The following CGNL1 variants were observed in gnomAD, a reference collection of about 807,000 sequenced individuals.
CGNL1 encodes cingulin like 1.
Under a neutral mutation model 141.2 loss-of-function variants are expected in CGNL1, and 132 were observed. The observed-to-expected ratio is 0.93, with a 90% confidence interval of 0.81 to 1.08. The LOEUF (loss-of-function observed/expected upper bound fraction) is 1.08. Ranked by LOEUF, CGNL1 falls within the 50% of genes least tolerant of loss-of-function variation. The pLI, the probability that CGNL1 is intolerant of heterozygous loss-of-function variation, is 0.00. For synonymous variants in CGNL1, 690 were observed against 622.1 expected (o/e 1.11, Z -1.63); for missense variants, 1,870 against 1,588.6 (o/e 1.18, Z -3.01).
Position 57,550,594 on chromosome 15 carries a change from G to C in CGNL1, c.*3104G>C, listed in dbSNP as rs1426834395. 6.6e-6 allele frequency: 1 copy of C among 152,606 alleles called. No homozygotes were observed. The highest frequency in any genetic ancestry group is 1.5e-5 in the Non-Finnish European group (1 of 68,034). 9.5% of individuals were successfully genotyped at this position (152,606 alleles called of 1,614,324 possible). ...CTTATTCCATTGCGTCTCTGCTTTA[G>C]GGTATGGTTTGGTCGCTTTGGTTGT... On this transcript the variant is annotated 3_prime_UTR_variant, in exon 19 of 19. Transcript: ENST00000281282.
At chr15:57,442,327 C>A (rs377567094) in intron 3 of CGNL1, 46 bp from the exon 4 acceptor site, 1 of 1,190,400 alleles carries the variant, frequency 8.4e-7, no homozygotes, top group Admixed American at 1.7e-5. Flanking sequence ...TGTTCTGAGA[C>A]CAGTGGTTGT....
At chr15:57,530,672 C>T (rs1253394136) in intron 13 of CGNL1, among the ~76,000 whole-genome samples, 1 of 152,120 alleles carries the variant, frequency 6.6e-6, no homozygotes, top group African/African-American at 2.4e-5. Flanking sequence ...CCAAGTTGGC[C>T]TTAGAGATGC....
In CGNL1 at chr15:57,434,010, A is replaced by C. The variant is rs932916565; in HGVS notation, c.-15-3975A>C. ...AGCCACCAATCTGCTTTGGTCCTTC[A>C]TTCTTAAATAGGATCAGGCAGTCAG... On this transcript the variant is annotated intron_variant, in intron 1 of 18. Coordinates refer to ENST00000281282, the MANE Select transcript of CGNL1 (RefSeq NM_032866.5). Among the ~76,000 whole-genome samples, 3 of 134,768 alleles carry C rather than the reference A, an allele frequency of 2.2e-5. No homozygotes were observed. The Admixed American group carries it at 2.3e-4, about 10-fold the overall frequency. 88.4% of individuals were successfully genotyped at this position (134,768 alleles called of 152,430 possible).
intron 8 of CGNL1, among the ~76,000 whole-genome samples, chr15:57,510,108 G>A (rs1370910149): frequency 6.8e-6 from 1 of 147,104 alleles, no homozygotes; most frequent in Non-Finnish European, 1.5e-5. Context: ...AAAATGTGCA[G>A]GTAGTGGCCT....
intron 7 of CGNL1, among the ~76,000 whole-genome samples, chr15:57,456,579 C>T (rs1030693232): frequency 2.0e-5 from 3 of 149,846 alleles, no homozygotes; most frequent in Non-Finnish European, 4.4e-5. Flanking sequence ...ATAAAATTGA[C>T]CAACAAAGGG....
At chr15:57,455,796 C>T (rs1399984448) in intron 7 of CGNL1, among the ~76,000 whole-genome samples, 2 of 152,048 alleles carry the variant, frequency 1.3e-5, no homozygotes, top group African/African-American at 2.4e-5. Context: ...TTTATTTATA[C>T]TGATGATGGG....
chr15:57,494,593 C>T (rs745636849), intron 8 of CGNL1, among the ~76,000 whole-genome samples: 1 of 152,180 alleles, frequency 6.6e-6, no homozygotes. Flanking sequence ...TGGGAATCGG[C>T]CCAATCCCAT....
chr15:57,498,245 GTTTTTTT>G (rs56793548), intron 8 of CGNL1, among the ~76,000 whole-genome samples: 1 of 101,090 alleles, frequency 9.9e-6, no homozygotes, highest in East Asian at 3.5e-4. Context: ...TGGGGAAACA[GTTTTTTT>G]TTTTTTTTTT....
intron 4 of CGNL1, among the ~76,000 whole-genome samples, chr15:57,443,628 T>TAC (rs2152312887): frequency 6.6e-6 from 1 of 152,334 alleles, no homozygotes; most frequent in East Asian, 1.9e-4. Context: ...AACAATGCCG[T>TAC]ACACACACAT....
chr15:57,477,334 A>G (rs1035890233), intron 8 of CGNL1: 1 of 152,216 alleles, frequency 6.6e-6, no homozygotes, highest in African/African-American at 2.4e-5. Context: ...TCTACTCTGC[A>G]AAGTGTTTGC....
chr15:57,467,146 T>C (rs1374453942), intron 8 of CGNL1, among the ~76,000 whole-genome samples: 1 of 152,218 alleles, frequency 6.6e-6, no homozygotes, highest in Non-Finnish European at 1.5e-5. Flanking sequence ...GTGAGGACTA[T>C]ACATATAAAT....
intron 8 of CGNL1, among the ~76,000 whole-genome samples, chr15:57,479,090 G>A (rs965917183): frequency 3.9e-5 from 6 of 152,232 alleles, no homozygotes; most frequent in Non-Finnish European, 8.8e-5. Flanking sequence ...GAAGGTGCAA[G>A]GAGTTGTTTG....
At chr15:57,531,461 T>C (rs747310946) in intron 13 of CGNL1, among the ~76,000 whole-genome samples, 1 of 152,228 alleles carries the variant, frequency 6.6e-6, no homozygotes, top group Non-Finnish European at 1.5e-5. Flanking sequence ...CTTTTATGTG[T>C]TTTCTACATA....
chr15:57,458,760 A>C (rs1595725713), intron 7 of CGNL1, among the ~76,000 whole-genome samples: 2 of 152,222 alleles, frequency 1.3e-5, no homozygotes, highest in Admixed American at 6.5e-5. Flanking sequence ...GGGCAGCGGC[A>C]GCAGGGCGTC....
At chr15:57,414,455 G>C (rs1266288768) in intron 1 of CGNL1, among the ~76,000 whole-genome samples, 5 of 152,200 alleles carry the variant, frequency 3.3e-5, no homozygotes, top group Admixed American at 2.0e-4. Flanking sequence ...ATAGAGGTGA[G>C]TGCAGTGAGG....
intron 8 of CGNL1, among the ~76,000 whole-genome samples, chr15:57,499,221 T>C (rs1486655076): frequency 6.8e-6 from 1 of 146,990 alleles, no homozygotes; most frequent in African/African-American, 2.5e-5. Context: ...TGGGAACTCA[T>C]GAAATAAAGT....
intron 14 of CGNL1, among the ~76,000 whole-genome samples, chr15:57,542,267 T>G (rs1307152869): frequency 1.3e-5 from 2 of 152,236 alleles, no homozygotes; most frequent in African/African-American, 4.8e-5. Flanking sequence ...CCCTGGTGTC[T>G]GGGGCTGTGT....
chr15:57,528,984 C>T, intron 13 of CGNL1, 169 bp downstream of exon 13: 1 of 624,600 alleles, frequency 1.6e-6, no homozygotes, highest in Non-Finnish European at 2.8e-6. Flanking sequence ...AGGGGCCAGT[C>T]ATTTATAGAC....
At chr15:57,435,945 C>A (rs1275849171) in intron 1 of CGNL1, among the ~76,000 whole-genome samples, 1 of 152,118 alleles carries the variant, frequency 6.6e-6, no homozygotes, top group East Asian at 1.9e-4. Context: ...ATGGTAGAGA[C>A]TTCATTTTCT....
Sources: allele counts gnomAD v4.1 joint callset (sites outside exome capture counted in the v4.1 genomes callset), GRCh38; gene constraint gnomAD v4.1.1; transcripts MANE v1.5; gene names NCBI Gene and HGNC (gene_info 2026-07-23, HGNC 2026-07-21).